The following DSCAML1 variants were observed in gnomAD, a reference collection of about 807,000 sequenced individuals.
DSCAML1 encodes DS cell adhesion molecule like 1.
Under a neutral mutation model 200.5 loss-of-function variants are expected in DSCAML1, and 38 were observed. The ratio of observed to expected loss-of-function variants is 0.19; its 90% CI spans 0.15 to 0.25. The LOEUF (loss-of-function observed/expected upper bound fraction) is 0.25, where lower values mean the gene tolerates loss of function less well. DSCAML1 is among the 10% of genes least tolerant of loss of function. The pLI is 1.00. For missense variants in DSCAML1, 2,223 were observed against 2,858.8 expected (o/e 0.78, Z 5.07); for synonymous variants, 1,215 against 1,165.0 (o/e 1.04, Z -0.87).
intron 3 of DSCAML1, among the ~76,000 whole-genome samples, chr11:117,660,266 C>T (rs1423675384): frequency 6.6e-6 from 1 of 152,214 alleles, no homozygotes; most frequent in African/African-American, 2.4e-5. Flanking sequence ...CCGCCCCTTC[C>T]CAGTTCCTCC....
At chr11:117,759,284 T>C (rs1286521058) in intron 3 of DSCAML1, among the ~76,000 whole-genome samples, 1 of 151,888 alleles carries the variant, frequency 6.6e-6, no homozygotes, top group Non-Finnish European at 1.5e-5. Flanking sequence ...TGAACTTGGG[T>C]GTGTAAGAGG....
intron 3 of DSCAML1, among the ~76,000 whole-genome samples, chr11:117,648,122 T>C (rs1289589588): frequency 6.6e-6 from 1 of 152,164 alleles, no homozygotes; most frequent in Non-Finnish European, 1.5e-5. Context: ...TGATCTCCCT[T>C]TCTCCACCAG....
At chr11:117,619,673 GA>G (rs202209686) in intron 3 of DSCAML1, among the ~76,000 whole-genome samples, 2 of 149,700 alleles carry the variant, frequency 1.3e-5, no homozygotes, top group South Asian at 2.1e-4. Context: ...ATGAAGATTT[GA>G]AAAAAAAATG....
Position 117,517,570 on chromosome 11 carries a change from G to A in DSCAML1, c.1511-831C>T, listed in dbSNP as rs181111721. On this transcript the variant is annotated intron_variant, in intron 7 of 32. Coordinates refer to ENST00000651296, the MANE Select transcript of DSCAML1 (RefSeq NM_020693.4). ...GAGAGGGCAGGAGGGTGGCCAGATG[G>A]GAAACCCACACTTCTGTCAGGAGTC... is the stretch of plus-strand genomic sequence containing the variant. Among the ~76,000 whole-genome samples the A allele has an allele frequency of 1.8e-3, 281 of 152,310 alleles. 2 individuals are homozygous for A. The highest frequency in any genetic ancestry group is 6.3e-3 in the African/African-American group (260 of 41,576).
intron 18 of DSCAML1, 101 bp from the exon 19 acceptor site, chr11:117,459,010 T>A: frequency 6.9e-7 from 1 of 1,452,406 alleles, no homozygotes; most frequent in African/African-American, 1.4e-5. Context: ...CTGCACAGGC[T>A]CAGCCCTCGA....
At position 117,642,317 on chromosome 11, in the gene DSCAML1, C is replaced by T. The variant is rs2052427248; in HGVS notation, c.512-109795G>A. ...GAACCACTCTTCTTCCTATCTCACA[C>T]CTGCCATCCTCTTTTTTTTTCTTGC... On this transcript the variant is annotated intron_variant, in intron 3 of 32. Coordinates refer to ENST00000651296, the MANE Select transcript of DSCAML1 (RefSeq NM_020693.4). The surrounding 1 kb of genome is among the most constrained non-coding windows in gnomAD (Gnocchi z 4.1). 1.3e-5 allele frequency among the ~76,000 whole-genome samples: 2 copies of T among 152,164 alleles called. No individual in the cohort carries two copies. The highest frequency in any genetic ancestry group is 4.2e-4 in the South Asian group (2 of 4,816).
chr11:117,756,214 C>G (rs1017136021), intron 3 of DSCAML1, among the ~76,000 whole-genome samples: 3 of 152,226 alleles, frequency 2.0e-5, no homozygotes, highest in African/African-American at 4.8e-5. Flanking sequence ...AGGAAGGTCA[C>G]TCAACATGGC....
intron 1 of DSCAML1, among the ~76,000 whole-genome samples, chr11:117,792,488 C>T (rs937634010): frequency 5.3e-5 from 8 of 151,948 alleles, no homozygotes; most frequent in Non-Finnish European, 7.4e-5. Flanking sequence ...CCCTCTGCCC[C>T]GCCATAACCA....
intron 3 of DSCAML1, among the ~76,000 whole-genome samples, chr11:117,624,371 T>C (rs1215009342): frequency 6.6e-6 from 1 of 152,126 alleles, no homozygotes; most frequent in Non-Finnish European, 1.5e-5. Flanking sequence ...GAGTAGTGAA[T>C]GGAAAGGCAC....
chr11:117,726,266 CGTGT>C (rs112110901), intron 3 of DSCAML1, among the ~76,000 whole-genome samples: 4 of 145,808 alleles, frequency 2.7e-5, no homozygotes, highest in African/African-American at 1.0e-4. Context: ...TGTGTGTGTG[CGTGT>C]GTGTGTGTGT....
chr11:117,675,860 T>C (rs1487875169), intron 3 of DSCAML1, among the ~76,000 whole-genome samples: 1 of 152,198 alleles, frequency 6.6e-6, no homozygotes, highest in East Asian at 1.9e-4. Context: ...TTATCAATAA[T>C]TCCTCCTGGT....
intron 30 of DSCAML1, 92 bp from the exon 31 acceptor site, chr11:117,431,820 AG>A (rs1592561762): frequency 7.7e-7 from 1 of 1,295,904 alleles, no homozygotes; most frequent in East Asian, 2.5e-5. Flanking sequence ...GGGGGGAGCA[AG>A]GGAAGAGGCA....
intron 3 of DSCAML1, among the ~76,000 whole-genome samples, chr11:117,769,877 C>T (rs188091666): frequency 2.2e-4 from 33 of 152,116 alleles, no homozygotes; most frequent in African/African-American, 7.5e-4. Context: ...ATCATGTTGT[C>T]CCTTATTCTT....
rs750332029 is a variant in DSCAML1, at chr11:117,480,549, C to T, written c.2679G>A (p.Leu893=). The stretch of plus-strand genomic sequence containing the variant: ...TCCGGGCCTTCACCTCCCGGATCTC[C>T]AGCTCTGGGGGGTCGGGGGGCTCTA... ...TVQEPPDPPE[L]EIREVKARSM... is the part of the protein sequence containing the mutation. The change falls in exon 14 of 33, where the codon CTG becomes CTA. Residue 893 remains leucine (L), a synonymous_variant. Coordinates refer to ENST00000651296, the MANE Select transcript of DSCAML1 (RefSeq NM_020693.4). The surrounding 1 kb of genome is among the most constrained non-coding windows in gnomAD (Gnocchi z 4.1). The T allele has an allele frequency of 3.8e-6, 6 of 1,573,622 alleles. No homozygotes were observed. In the South Asian group the frequency reaches 5.8e-5, roughly 15 times the overall value.
Position 117,482,197 on chromosome 11 carries a change from T to G in DSCAML1, c.2360-35A>C, listed in dbSNP as rs2048940725. On this transcript the variant is annotated intron_variant, in intron 11 of 32. Coordinates refer to ENST00000651296, the MANE Select transcript of DSCAML1 (RefSeq NM_020693.4). The stretch of plus-strand genomic sequence containing the variant: ...GGAGGCAGAGAAGGCCCAGTGAAGG[T>G]CGGGAGACCAGCCTGGAGGAGGCAC... 2.5e-6 allele frequency: 4 copies of G among 1,611,342 alleles called. No homozygotes were observed. In the African/African-American group the frequency reaches 5.3e-5, roughly 22 times the overall value.
intron 3 of DSCAML1, among the ~76,000 whole-genome samples, chr11:117,628,433 G>T (rs1171625096): frequency 1.3e-5 from 2 of 152,236 alleles, no homozygotes; most frequent in Non-Finnish European, 2.9e-5. Flanking sequence ...GCAGGGAGAA[G>T]CACCAGTTTC....
chr11:117,469,879 A>G lies in DSCAML1; in HGVS notation c.3024+31T>C, dbSNP rs369975612. On this transcript the variant is annotated intron_variant, in intron 16 of 32. Coordinates refer to ENST00000651296, the MANE Select transcript of DSCAML1 (RefSeq NM_020693.4). The surrounding 1 kb of genome is among the most constrained non-coding windows in gnomAD (Gnocchi z 4.1). ...TTGAGGAGAGAGGAGGCAAGCAGACATTCCAGGGGAGATGCCTTAGACACA... is the reference window on the plus strand; with the variant it reads ...TTGAGGAGAGAGGAGGCAAGCAGACGTTCCAGGGGAGATGCCTTAGACACA... 30 of 1,559,500 alleles carry G rather than the reference A, an allele frequency of 1.9e-5. No homozygotes were observed. Among genetic ancestry groups the G allele is most frequent in the Middle Eastern group, 1.7e-4 (1 of 5,840 alleles).
At chr11:117,645,165 CA>C (rs1477321179) in intron 3 of DSCAML1, among the ~76,000 whole-genome samples, 12 of 152,308 alleles carry the variant, frequency 7.9e-5, no homozygotes, top group Middle Eastern at 3.4e-3. Context: ...CTGGCCCAGG[CA>C]AGGATATCTG....
intron 3 of DSCAML1, among the ~76,000 whole-genome samples, chr11:117,723,506 T>C (rs2054073171): frequency 6.6e-6 from 1 of 152,126 alleles, no homozygotes; most frequent in African/African-American, 2.4e-5. Flanking sequence ...CTTCCAGTAT[T>C]TTACAAAAAA....
Sources: gnomAD v4.1 joint callset for allele counts (sites outside exome capture counted in the v4.1 genomes callset) on GRCh38, gnomAD v4.1.1 for gene constraint, Gnocchi (gnomAD v3.1) non-coding constraint, MANE v1.5 for transcripts, NCBI Gene and HGNC (gene_info 2026-07-23, HGNC 2026-07-21) for gene names.